CFHR3: variants seen among roughly 807,000 people sequenced by gnomAD.
CFHR3 encodes complement factor H-related protein 3.
Under a neutral mutation model 36.0 loss-of-function variants are expected in CFHR3, and 22 were observed. The observed-to-expected ratio is 0.61, with a 90% CI of 0.44 to 0.87. The LOEUF is 0.87. Ranked by LOEUF, CFHR3 falls within the 40% of genes least tolerant of loss-of-function variation. CFHR3 has a pLI of 0.00. For synonymous variants in CFHR3, 97 were observed against 137.4 expected, an observed-to-expected ratio of 0.71 and a Z score of 2.06; for missense variants, 276 against 401.3, an observed-to-expected ratio of 0.69 and a Z score of 2.67.
intron 1 of CFHR3, among the ~76,000 whole-genome samples, chr1:196,777,547 G>T (rs867722968): frequency 7.3e-6 from 1 of 136,552 alleles, no homozygotes; most frequent in South Asian, 2.5e-4. Flanking sequence ...AAAGGTCCCA[G>T]GATTTCCTTG....
In CFHR3 at chr1:196,776,333, G is replaced by A. The variant is rs1653717335; in HGVS notation, c.58+1389G>A. Among the ~76,000 whole-genome samples, 10 of 137,236 alleles carry A rather than the reference G, an allele frequency of 7.3e-5. 2 individuals are homozygous for A. In the South Asian group the frequency reaches 2.5e-3, roughly 34 times the overall value. The allele number at this position is 137,236 out of a possible 152,430, so 90.0% of individuals were successfully genotyped here. On this transcript the variant is annotated intron_variant, in intron 1 of 5. Coordinates refer to ENST00000367425, the MANE Select transcript of CFHR3 (RefSeq NM_021023.6). ...GGTTGCACCTATATTTCTCAAAGGA[G>A]AAAGTAACTCATTTAGTGGAATAAC...
At position 196,782,593 on chromosome 1, in the gene CFHR3, G is replaced by T. The variant is rs1438201390; in HGVS notation, c.430+2620G>T. Among the ~76,000 whole-genome samples the T allele has an allele frequency of 2.2e-5, 3 of 136,388 alleles. 1 individual carries two copies. The highest frequency in any genetic ancestry group is 6.2e-5 in the African/African-American group (2 of 32,480). 89.5% of individuals were successfully genotyped at this position (136,388 alleles called of 152,430 possible). On this transcript the variant is annotated intron_variant, in intron 3 of 5. Transcript: ENST00000367425. ...GTGAATGGGAGTTCACTCATGATTT[G>T]GCTCTCTGTTTGTCTGTTATTGGTG...
At chr1:196,778,629 G>A (rs1653825520) in intron 1 of CFHR3, among the ~76,000 whole-genome samples, 1 of 135,566 alleles carries the variant, frequency 7.4e-6, no homozygotes, top group Non-Finnish European at 1.6e-5. Context: ...AAGAATGCAT[G>A]CCATCGAATA....
rs1227972624 is a variant in CFHR3, at chr1:196,787,948, C to T, written c.431-268C>T. 7.2e-4 allele frequency among the ~76,000 whole-genome samples: 99 copies of T among 136,774 alleles called. 26 individuals are homozygous for T. The highest frequency in any genetic ancestry group is 3.0e-3 in the African/African-American group (99 of 32,670). The allele number at this position is 136,774 out of a possible 152,430, so 89.7% of individuals were successfully genotyped here. ...TTAGGGACTGGAGAGTCTCCTAGATCTGCACTCCTCAAGGACTGCCAGAGC... is the reference window on the plus strand; with the variant it reads ...TTAGGGACTGGAGAGTCTCCTAGATTTGCACTCCTCAAGGACTGCCAGAGC... On this transcript the variant is annotated intron_variant, in intron 3 of 5. Transcript: ENST00000367425.
At chr1:196,776,916 C>T (rs1653745725) in intron 1 of CFHR3, among the ~76,000 whole-genome samples, 1 of 135,344 alleles carries the variant, frequency 7.4e-6, no homozygotes, top group Non-Finnish European at 1.6e-5. Flanking sequence ...GGTGTATTGT[C>T]CTTGCTGATT....
rs1654502352 is a variant in CFHR3, at chr1:196,793,687, AAAAC to A, written c.*179_*182del. The A allele has an allele frequency of 1.7e-5, 10 of 594,534 alleles. 1 individual carries two copies. The highest frequency in any genetic ancestry group is 1.3e-4 in the East Asian group (4 of 30,960). 36.8% of individuals were successfully genotyped at this position (594,534 alleles called of 1,614,324 possible). A position where few individuals can be genotyped will look rare whatever the true frequency, so the allele number is the denominator to read the frequency against. On this transcript the variant is annotated 3_prime_UTR_variant, in exon 6 of 6. Coordinates refer to ENST00000367425, the MANE Select transcript of CFHR3 (RefSeq NM_021023.6). ...CTTAATATATTCTCAAAAATATATT[AAAAC>A]AAACTAAATTATTGCTTATGCTTGT... is the stretch of plus-strand genomic sequence containing the variant.
Position 196,774,895 on chromosome 1 carries a change from A to T in CFHR3, c.9A>T (p.Leu3Phe), listed in dbSNP as rs774305026. 62 of 1,528,400 alleles carry T rather than the reference A, an allele frequency of 4.1e-5. 14 individuals are homozygous for T. The South Asian group carries it at 7.7e-4, about 19-fold the overall frequency. 94.7% of individuals were successfully genotyped at this position (1,528,400 alleles called of 1,614,324 possible). MLLLINVILTLWV... is the reference protein window; with the variant it reads MLFLINVILTLWV... ...TACTGAGAATATCTAACATGTTGTT[A>T]CTAATCAATGTCATTCTGACCTTGT... Residue 3 changes from leucine (L) to phenylalanine (F), a missense_variant, in exon 1 of 6, where the codon TTA becomes TTT. Coordinates refer to ENST00000367425, the MANE Select transcript of CFHR3 (RefSeq NM_021023.6).
rs754928644 is a variant in CFHR3, at chr1:196,787,391, G to A, written c.431-825G>A. Reference sequence around the variant, plus strand: ...GGCAAGAATAGATCAGAAAACTCATGATTATGACAAATGCTATATTATAAA... The same window carrying A: ...GGCAAGAATAGATCAGAAAACTCATAATTATGACAAATGCTATATTATAAA... On this transcript the variant is annotated intron_variant, in intron 3 of 5. Transcript: ENST00000367425. 5.1e-5 allele frequency among the ~76,000 whole-genome samples: 7 copies of A among 137,068 alleles called. 1 individual carries two copies. The highest frequency in any genetic ancestry group is 1.1e-4 in the Non-Finnish European group (7 of 64,568). The allele number at this position is 137,068 out of a possible 152,430, so 89.9% of individuals were successfully genotyped here.
In CFHR3 at chr1:196,793,051, G is replaced by A. The variant is rs546866714; in HGVS notation, c.797-266G>A. Among the ~76,000 whole-genome samples the A allele has an allele frequency of 1.5e-5, 2 of 135,220 alleles. 1 individual carries two copies. The highest frequency in any genetic ancestry group is 5.2e-4 in the South Asian group (2 of 3,880). 88.7% of individuals were successfully genotyped at this position (135,220 alleles called of 152,430 possible). Reference sequence around the variant, plus strand: ...CTAGGGTGGACACAACATATTTTAGGAAAGAAGAGTTCAGGCTCTAGAGAA... The same window carrying A: ...CTAGGGTGGACACAACATATTTTAGAAAAGAAGAGTTCAGGCTCTAGAGAA... On this transcript the variant is annotated intron_variant, in intron 5 of 5. Coordinates refer to ENST00000367425, the MANE Select transcript of CFHR3 (RefSeq NM_021023.6).
At chr1:196,786,155 C>T (rs1654189677) in intron 3 of CFHR3, among the ~76,000 whole-genome samples, 1 of 136,276 alleles carries the variant, frequency 7.3e-6, no homozygotes, top group Admixed American at 7.1e-5. Flanking sequence ...ATGATGGTTC[C>T]TCTGGAAGTT....
At chr1:196,789,207 C>G in intron 4 of CFHR3, 3 of 899,434 alleles carry the variant, frequency 3.3e-6, no homozygotes, top group Non-Finnish European at 4.0e-6. Context: ...ACTTCATTTT[C>G]AAGGGTACAA....
At chr1:196,780,668 A>G (rs1367849305) in intron 3 of CFHR3, among the ~76,000 whole-genome samples, 2 of 136,548 alleles carry the variant, frequency 1.5e-5, no homozygotes, top group African/African-American at 6.1e-5. Context: ...TCTTTTAATT[A>G]TATGTAATGC....
In CFHR3 at chr1:196,788,308, T is replaced by C. The variant is rs537454242; in HGVS notation, c.523T>C (p.Cys175Arg). The C allele has an allele frequency of 1.1e-5, 16 of 1,521,534 alleles. 2 individuals are homozygous for C. Among genetic ancestry groups the C allele is most frequent in the South Asian group, 2.6e-5 (2 of 77,788 alleles). The allele number at this position is 1,521,534 out of a possible 1,614,324, so 94.3% of individuals were successfully genotyped here. A position where few individuals can be genotyped will look rare whatever the true frequency, so the allele number is the denominator to read the frequency against. Residue 175 changes from cysteine (C) to arginine (R), a missense_variant, in exon 4 of 6, where the codon TGT (cysteine) becomes CGT (arginine). Physicochemically the swap from Cys to Arg is radical, Grantham distance 180 (BLOSUM62 -3). Transcript: ENST00000367425. ...TTTAAATAAAGAAATACAATATAAA[T>C]GTAAACCAGGATATGCAACAGCAGA... ...YILNKEIQYK[C>R]KPGYATADGN...
chr1:196,779,766 CTTTA>C lies in CFHR3; in HGVS notation c.254-21_254-18del, dbSNP rs745811610. ...TGTGCAAATTTATGTTTCTCATTTA[CTTTA>C]TTTATTTATCATTGCTATGTCCTTA... On this transcript the variant is annotated intron_variant, in intron 2 of 5. Coordinates refer to ENST00000367425, the MANE Select transcript of CFHR3 (RefSeq NM_021023.6). 77 of 1,475,834 alleles carry C rather than the reference CTTTA, an allele frequency of 5.2e-5. 9 individuals carry two copies. Among genetic ancestry groups the C allele is most frequent in the East Asian group, 9.4e-5 (4 of 42,550 alleles). The allele number at this position is 1,475,834 out of a possible 1,614,324, so 91.4% of individuals were successfully genotyped here. A position where few individuals can be genotyped will look rare whatever the true frequency, so the allele number is the denominator to read the frequency against.
chr1:196,787,344 G>A (rs1654249704), intron 3 of CFHR3, among the ~76,000 whole-genome samples: 1 of 137,042 alleles, frequency 7.3e-6, no homozygotes, highest in African/African-American at 3.0e-5. Context: ...TTTAGAGGCT[G>A]GAGGAGATTA....
At position 196,777,011 on chromosome 1, in the gene CFHR3, T is replaced by C. The variant is rs1348000233; in HGVS notation, c.58+2067T>C. On this transcript the variant is annotated intron_variant, in intron 1 of 5. Coordinates refer to ENST00000367425, the MANE Select transcript of CFHR3 (RefSeq NM_021023.6). ...TAGTAAATCGAATCAGCAAATATTT[T>C]TCATATGATTAATGAAGGATATACT... is the stretch of plus-strand genomic sequence containing the variant. 1.1e-4 allele frequency among the ~76,000 whole-genome samples: 15 copies of C among 135,980 alleles called. 2 individuals carry two copies. The highest frequency in any genetic ancestry group is 1.6e-5 in the Non-Finnish European group (1 of 64,276). 89.2% of individuals were successfully genotyped at this position (135,980 alleles called of 152,430 possible). A position where few individuals can be genotyped will look rare whatever the true frequency, so the allele number is the denominator to read the frequency against.
chr1:196,794,898 T>G lies in CFHR3; in HGVS notation c.*1385T>G, dbSNP rs1370481797. ...CCTGTACAGAATGAGAAATATTAAT[T>G]GCTAGACTGAGAATGTTTTGGTGGC... On this transcript the variant is annotated 3_prime_UTR_variant, in exon 6 of 6. Transcript: ENST00000367425. 7.0e-6 allele frequency: 1 copy of G among 142,812 alleles called. No individual in the cohort carries two copies. The highest frequency in any genetic ancestry group is 1.5e-5 in the Non-Finnish European group (1 of 68,442). The allele number at this position is 142,812 out of a possible 1,614,324, so 8.8% of individuals were successfully genotyped here. A position where few individuals can be genotyped will look rare whatever the true frequency, so the allele number is the denominator to read the frequency against.
chr1:196,788,453 A>G, intron 4 of CFHR3, 55 bp downstream of exon 4: 2 of 1,510,526 alleles, frequency 1.3e-6, no homozygotes, highest in Admixed American at 3.6e-5. Context: ...CCTCTCTTTG[A>G]GATGATAGTG....
intron 4 of CFHR3, chr1:196,789,225 AT>A: frequency 1.2e-6 from 1 of 857,844 alleles, no homozygotes; most frequent in Non-Finnish European, 1.4e-6. Flanking sequence ...CAATTCAACT[AT>A]TTTTAGTCAT....
Sources: gnomAD v4.1 joint callset for allele counts (sites outside exome capture counted in the v4.1 genomes callset) on GRCh38, gnomAD v4.1.1 for gene constraint, MANE v1.5 for transcripts, NCBI Gene and HGNC (gene_info 2026-07-23, HGNC 2026-07-21) for gene names.